MACROD2: variants seen among roughly 807,000 people sequenced by gnomAD.
The protein encoded by MACROD2 is ADP-ribose glycohydrolase MACROD2.
A neutral mutation model predicts 70.4 loss-of-function variants in MACROD2; 36 were observed. That is an observed-to-expected ratio of 0.51 (90% CI 0.39 to 0.68). MACROD2 has a LOEUF of 0.68. Among genes scored for constraint, MACROD2 ranks in the 30% least tolerant of loss-of-function variants. The pLI is 0.00. For synonymous variants in MACROD2, 172 were observed against 178.8 expected (o/e 0.96, Z 0.30); for missense variants, 496 against 538.4 (o/e 0.92, Z 0.78).
rs1345083050 is a variant in MACROD2, at chr20:14,325,865, C to G, written c.272-167614C>G. On this transcript the variant is annotated intron_variant, in intron 3 of 17. Coordinates refer to ENST00000684519, the MANE Select transcript of MACROD2 (RefSeq NM_001351661.2). ...CCATTCCTATGAACATACCAACACA[C>G]TAAAGCAAGAAGGGCAATGGTAACC... 6.2e-7 allele frequency: 1 copy of G among 1,613,952 alleles called. No individual in the cohort carries two copies. The highest frequency in any genetic ancestry group is 8.5e-7 in the Non-Finnish European group (1 of 1,179,896).
At chr20:14,553,242 T>G (rs1460695553) in intron 4 of MACROD2, among the ~76,000 whole-genome samples, 5 of 151,736 alleles carry the variant, frequency 3.3e-5, no homozygotes, top group African/African-American at 1.2e-4. Context: ...AGTCCAGGCA[T>G]ACACAGGACC....
chr20:14,663,381 T>C (rs1986326419), intron 4 of MACROD2, among the ~76,000 whole-genome samples: 4 of 151,788 alleles, frequency 2.6e-5, no homozygotes, highest in Admixed American at 6.6e-5. Context: ...GAATGGATAC[T>C]AGGCTTAATA....
chr20:15,082,946 G>A lies in MACROD2; in HGVS notation c.419-146994G>A, dbSNP rs2075716558. On this transcript the variant is annotated intron_variant, in intron 5 of 17. Transcript: ENST00000684519. ...GATGTAAAATTATGTTATTTCTGAT[G>A]TCCCATCCAATTGTGGCATAAGCCT... Among the ~76,000 whole-genome samples the A allele has an allele frequency of 4.6e-5, 7 of 152,124 alleles. No homozygotes were observed. In the South Asian group the frequency reaches 1.5e-3, roughly 32 times the overall value.
At chr20:14,677,488 T>C (rs2123576428) in intron 4 of MACROD2, among the ~76,000 whole-genome samples, 1 of 152,328 alleles carries the variant, frequency 6.6e-6, no homozygotes, top group South Asian at 2.1e-4. Flanking sequence ...GGAGAAAATA[T>C]GTCAGGGAGT....
intron 5 of MACROD2, among the ~76,000 whole-genome samples, chr20:14,890,993 C>T (rs7267246): frequency 0.016 from 860 of 54,994 alleles, 1 homozygote; most frequent in Non-Finnish European, 0.018. Flanking sequence ...CTTCCTTCCT[C>T]CCTCCCTCCC....
chr20:14,381,544 A>G (rs1274597096), intron 3 of MACROD2, among the ~76,000 whole-genome samples: 1 of 152,188 alleles, frequency 6.6e-6, no homozygotes, highest in Non-Finnish European at 1.5e-5. Flanking sequence ...TTTGTGGAGT[A>G]AAGCTTGATA....
chr20:15,524,471 A>G (rs1370714761), intron 8 of MACROD2, among the ~76,000 whole-genome samples: 1 of 152,168 alleles, frequency 6.6e-6, no homozygotes, highest in Non-Finnish European at 1.5e-5. Context: ...GTTGAGAATT[A>G]ATTTTAAAAC....
At chr20:14,102,960 A>G (rs533586205) in intron 3 of MACROD2, among the ~76,000 whole-genome samples, 155 of 152,286 alleles carry the variant, frequency 1.0e-3, no homozygotes, top group African/African-American at 3.5e-3. Flanking sequence ...CAGCATTTCT[A>G]TGAGGATGGA....
chr20:14,120,068 C>T (rs2041959072), intron 3 of MACROD2, among the ~76,000 whole-genome samples: 1 of 151,830 alleles, frequency 6.6e-6, no homozygotes. Flanking sequence ...AAAAAATTAG[C>T]CAGGTGTGGT....
chr20:15,434,460 C>T (rs970046726), intron 7 of MACROD2, among the ~76,000 whole-genome samples: 7 of 151,990 alleles, frequency 4.6e-5, no homozygotes, highest in Non-Finnish European at 8.8e-5. Context: ...AAGTTAAAAC[C>T]ACGATGAGAT....
chr20:15,111,700 C>T (rs577688307), intron 5 of MACROD2, among the ~76,000 whole-genome samples: 10 of 152,288 alleles, frequency 6.6e-5, no homozygotes, highest in East Asian at 5.8e-4. Flanking sequence ...AGGTGGGCAT[C>T]ACATACAAGT....
At chr20:15,485,556 AGAGCTCATTGT>A (rs2047153312) in intron 7 of MACROD2, among the ~76,000 whole-genome samples, 2 of 152,198 alleles carry the variant, frequency 1.3e-5, no homozygotes, top group Non-Finnish European at 2.9e-5. Context: ...AACTTGGTCC[AGAGCTCATTGT>A]TTGTGAAATA....
At chr20:16,004,518 G>A (rs1185594167) in intron 15 of MACROD2, among the ~76,000 whole-genome samples, 1 of 152,250 alleles carries the variant, frequency 6.6e-6, no homozygotes, top group African/African-American at 2.4e-5. Flanking sequence ...AGCCCCAGCT[G>A]AGGTCTGATG....
intron 4 of MACROD2, among the ~76,000 whole-genome samples, chr20:14,569,492 G>C (rs1290905601): frequency 6.6e-6 from 1 of 151,896 alleles, no homozygotes; most frequent in Non-Finnish European, 1.5e-5. Context: ...TGCCTATTCA[G>C]TATCCTCCAC....
chr20:15,748,669 T>C (rs6043508), intron 8 of MACROD2, among the ~76,000 whole-genome samples: 39,426 of 151,936 alleles, frequency 0.26, 6,299 homozygotes, highest in African/African-American at 0.45. Flanking sequence ...AGGACATAAG[T>C]ATCTTTGTTA....
intron 8 of MACROD2, among the ~76,000 whole-genome samples, chr20:15,502,647 G>A (rs1235496824): frequency 6.6e-6 from 1 of 152,102 alleles, no homozygotes; most frequent in African/African-American, 2.4e-5. Context: ...AGGAGATGAG[G>A]GTGCTCTGGA....
At chr20:14,055,338 C>T (rs1042370068) in intron 2 of MACROD2, among the ~76,000 whole-genome samples, 2 of 151,786 alleles carry the variant, frequency 1.3e-5, no homozygotes, top group Non-Finnish European at 2.9e-5. Context: ...CTCTAGTGAT[C>T]GATTTCCAAA....
At chr20:15,757,152 G>T (rs142512052) in intron 8 of MACROD2, among the ~76,000 whole-genome samples, 1 of 152,070 alleles carries the variant, frequency 6.6e-6, no homozygotes, top group Non-Finnish European at 1.5e-5. Context: ...TAATTTTTTT[G>T]AAAGTAAAAC....
Position 15,485,324 on chromosome 20 carries a change from T to C in MACROD2, c.572-14450T>C, listed in dbSNP as rs150536372. ...TTCAATCTACACAAAAGCTCCACCTTCCCAAAGAGGTCCATCAAAGTAAAT... is the reference window on the plus strand; with the variant it reads ...TTCAATCTACACAAAAGCTCCACCTCCCCAAAGAGGTCCATCAAAGTAAAT... On this transcript the variant is annotated intron_variant, in intron 7 of 17. Coordinates refer to ENST00000684519, the MANE Select transcript of MACROD2 (RefSeq NM_001351661.2). 2.5e-3 allele frequency among the ~76,000 whole-genome samples: 382 copies of C among 151,472 alleles called. 1 individual carries two copies. The highest frequency in any genetic ancestry group is 4.4e-3 in the Non-Finnish European group (298 of 67,686).
Sources: gnomAD v4.1 joint callset for allele counts (sites outside exome capture counted in the v4.1 genomes callset) on GRCh38, gnomAD v4.1.1 for gene constraint, MANE v1.5 for transcripts, NCBI Gene and HGNC (gene_info 2026-07-23, HGNC 2026-07-21) for gene names.